The following TBC1D14 variants were observed in gnomAD, a reference collection of about 807,000 sequenced individuals.
TBC1D14 encodes TBC1 domain family, member 14.
TBC1D14 carries 26 observed loss-of-function variants against 79.0 expected under a neutral mutation model. The ratio of observed to expected loss-of-function variants is 0.33; its 90% CI spans 0.24 to 0.46. TBC1D14 has a LOEUF of 0.46. Ranked by LOEUF, TBC1D14 falls within the 20% of genes least tolerant of loss-of-function variation. The pLI is 1.00. For synonymous variants in TBC1D14, 394 were observed against 349.9 expected, an observed-to-expected ratio of 1.13 and a Z score of -1.40; for missense variants, 769 against 887.6, an observed-to-expected ratio of 0.87 and a Z score of 1.70.
chr4:6,978,047 G>GCCA (rs1189837739), intron 3 of TBC1D14, among the ~76,000 whole-genome samples: 1 of 151,724 alleles, frequency 6.6e-6, no homozygotes, highest in Admixed American at 6.6e-5. Context: ...CCGCCCGGCA[G>GCCA]CCACCCCGTC....
At chr4:6,987,722 G>A (rs576104104) in intron 3 of TBC1D14, among the ~76,000 whole-genome samples, 5 of 152,298 alleles carry the variant, frequency 3.3e-5, no homozygotes, top group African/African-American at 9.6e-5. Flanking sequence ...GAAGGGCCTC[G>A]CCTGCGATCC....
At chr4:6,963,548 G>A (rs1715436322) in intron 2 of TBC1D14, among the ~76,000 whole-genome samples, 1 of 152,176 alleles carries the variant, frequency 6.6e-6, no homozygotes, top group Admixed American at 6.5e-5. Context: ...CAGCTCCTTG[G>A]CTCCCCCTTG....
At chr4:6,958,193 C>T (rs1309711149) in intron 2 of TBC1D14, among the ~76,000 whole-genome samples, 2 of 145,060 alleles carry the variant, frequency 1.4e-5, no homozygotes, top group African/African-American at 2.5e-5. Context: ...GTCCAGATGA[C>T]TGCTCCAGGT....
rs1722255170 is a variant in TBC1D14 at position 7,025,359 on chromosome 4, C to G, written c.2016+97C>G. The G allele has an allele frequency of 2.6e-6, 4 of 1,536,588 alleles. No homozygotes were observed. In the African/African-American group the frequency reaches 5.4e-5, roughly 21 times the overall value. Reference sequence around the variant, plus strand: ...GTAAAGTGCTGTCTGAGGACGTAGCCCCTTTGATGGAGTCCCTGGGCTGGA... The same window carrying G: ...GTAAAGTGCTGTCTGAGGACGTAGCGCCTTTGATGGAGTCCCTGGGCTGGA... On this transcript the variant is annotated intron_variant, in intron 13 of 13. Transcript: ENST00000409757.
chr4:6,923,490 A>G lies in TBC1D14; in HGVS notation c.101A>G (p.Asn34Ser), dbSNP rs763432658. Residue 34 changes from asparagine (N) to serine (S), a missense_variant, in exon 2 of 14, where the codon AAT becomes AGT. Physicochemically the swap from Asn to Ser is conservative, Grantham distance 46 (BLOSUM62 1). Coordinates refer to ENST00000409757, the MANE Select transcript of TBC1D14 (RefSeq NM_020773.3). ...CCCCTTCAGAACCTGCAACACGTCA[A>G]TCTCAAGGCGCCCCGACTCCTCTCC... ...GNPLQNLQHV[N>S]LKAPRLLSAP... 22 of 1,614,022 alleles carry G rather than the reference A, an allele frequency of 1.4e-5. No homozygotes were observed. Among genetic ancestry groups the G allele is most frequent in the African/African-American group, 2.7e-5 (2 of 74,922 alleles).
At chr4:6,985,804 G>A (rs1717768413) in intron 3 of TBC1D14, among the ~76,000 whole-genome samples, 1 of 152,128 alleles carries the variant, frequency 6.6e-6, no homozygotes, top group Non-Finnish European at 1.5e-5. Context: ...TCAAATTTTG[G>A]ATAATTGTCT....
At chr4:6,994,005 A>G (rs553702835) in intron 3 of TBC1D14, among the ~76,000 whole-genome samples, 179 bp from the exon 4 acceptor site, 1 of 152,182 alleles carries the variant, frequency 6.6e-6, no homozygotes, top group Non-Finnish European at 1.5e-5. Context: ...GCGAGACTCC[A>G]TCTCCAGAAA....
At chr4:7,007,806 T>C (rs1445881664) in intron 9 of TBC1D14, among the ~76,000 whole-genome samples, 1 of 152,218 alleles carries the variant, frequency 6.6e-6, no homozygotes, top group East Asian at 1.9e-4. Context: ...ATCGCTCTCT[T>C]GGAGCTGCTC....
At chr4:6,945,182 C>A (rs1713309758) in intron 2 of TBC1D14, among the ~76,000 whole-genome samples, 1 of 152,058 alleles carries the variant, frequency 6.6e-6, no homozygotes, top group African/African-American at 2.4e-5. Flanking sequence ...GACAAGGGCT[C>A]CAGGAGAAAT....
chr4:7,028,955 A>G (rs138807291), intron 13 of TBC1D14, among the ~76,000 whole-genome samples: 2 of 151,960 alleles, frequency 1.3e-5, no homozygotes, highest in African/African-American at 2.4e-5. Context: ...CTTCCACCTC[A>G]ATCTCCCAAG....
rs1717098466 is a variant in TBC1D14, at chr4:6,978,877, A to C, written c.843+11453A>C. Among the ~76,000 whole-genome samples the C allele has an allele frequency of 5.3e-5, 8 of 150,568 alleles. No homozygotes were observed. The South Asian group carries it at 1.7e-3, about 32-fold the overall frequency. Reference sequence around the variant, plus strand: ...TTGGGGAACGTTTTCAAATCAGTAGACTGTTTTCTTAATGAGTTATTTAAA... The same window carrying C: ...TTGGGGAACGTTTTCAAATCAGTAGCCTGTTTTCTTAATGAGTTATTTAAA... On this transcript the variant is annotated intron_variant, in intron 3 of 13. Coordinates refer to ENST00000409757, the MANE Select transcript of TBC1D14 (RefSeq NM_020773.3).
At chr4:6,987,133 C>A (rs1717922840) in intron 3 of TBC1D14, 1 of 1,081,224 alleles carries the variant, frequency 9.2e-7, no homozygotes, top group Non-Finnish European at 1.1e-6. Flanking sequence ...CCTTGGGAGT[C>A]TCCAGCCAGG....
At chr4:6,927,476 A>C (rs781038383) in intron 2 of TBC1D14, among the ~76,000 whole-genome samples, 4 of 152,126 alleles carry the variant, frequency 2.6e-5, no homozygotes, top group Non-Finnish European at 5.9e-5. Context: ...ACTTCTTGGC[A>C]CTCCGGAAGT....
At chr4:6,920,666 TGTG>T (rs1723777401) in intron 1 of TBC1D14, among the ~76,000 whole-genome samples, 1 of 152,226 alleles carries the variant, frequency 6.6e-6, no homozygotes, top group African/African-American at 2.4e-5. Context: ...ATGCTTTTCT[TGTG>T]GTACTTGATT....
Position 6,924,026 on chromosome 4 carries a change from G to A in TBC1D14, c.637G>A (p.Gly213Ser). Residue 213 changes from glycine to serine, a missense_variant, in exon 2 of 14, where the codon GGC becomes AGC. By Grantham distance (56) the Gly-to-Ser change is moderately conservative. Around this residue, in one of 2 missense-constraint regions of TBC1D14, gnomAD observed 402 missense variants for 393.2 expected, o/e 1.02. Coordinates refer to ENST00000409757, the MANE Select transcript of TBC1D14 (RefSeq NM_020773.3). ...VTLSSIKETRGLHQQDCVHEA... is the reference protein window; with the variant it reads ...VTLSSIKETRSLHQQDCVHEA... ...CTTGAGCTCTATCAAGGAAACCCGTGGCTTACACCAGCAGGACTGTGTTCA... is the reference window on the plus strand; with the variant it reads ...CTTGAGCTCTATCAAGGAAACCCGTAGCTTACACCAGCAGGACTGTGTTCA... 2 of 1,614,080 alleles carry A rather than the reference G, an allele frequency of 1.2e-6. No individual in the cohort carries two copies. The highest frequency in any genetic ancestry group is 2.7e-5 in the African/African-American group (2 of 75,040).
intron 3 of TBC1D14, among the ~76,000 whole-genome samples, chr4:6,972,349 T>C (rs1315633234): frequency 6.6e-6 from 1 of 152,242 alleles, no homozygotes; most frequent in Non-Finnish European, 1.5e-5. Context: ...CTGTTTCAAG[T>C]GACTGTCAGC....
chr4:6,923,115 C>T (rs920249473), intron 1 of TBC1D14, among the ~76,000 whole-genome samples: 1 of 152,220 alleles, frequency 6.6e-6, no homozygotes, highest in South Asian at 2.1e-4. Context: ...GCACAAGAAT[C>T]GCTTGAACCC....
chr4:6,973,128 C>T (rs760334810), intron 3 of TBC1D14, among the ~76,000 whole-genome samples: 3 of 152,142 alleles, frequency 2.0e-5, no homozygotes, highest in East Asian at 1.9e-4. Context: ...ATGTGAGCAC[C>T]GATGAGTACA....
intron 11 of TBC1D14, among the ~76,000 whole-genome samples, chr4:7,011,504 A>G (rs1720768841): frequency 6.6e-6 from 1 of 152,090 alleles, no homozygotes; most frequent in Admixed American, 6.6e-5. Context: ...TTTCTGTAGC[A>G]TAGAAGTCAC....
Sources: allele counts gnomAD v4.1 joint callset (sites outside exome capture counted in the v4.1 genomes callset), GRCh38; gene constraint gnomAD v4.1.1; regional missense constraint gnomAD v4.1.1; transcripts MANE v1.5; gene names NCBI Gene and HGNC (gene_info 2026-07-23, HGNC 2026-07-21).